Variants in ZC3H12B observed in about 807,000 individuals in gnomAD.
The protein encoded by ZC3H12B is zinc finger CCCH-type containing 12B.
Under a neutral mutation model 43.9 loss-of-function variants are expected in ZC3H12B, and 7 were observed. The ratio of observed to expected loss-of-function variants is 0.16; its 90% CI spans 0.09 to 0.30. The LOEUF is 0.30. Ranked by LOEUF, ZC3H12B falls within the 10% of genes least tolerant of loss-of-function variation. The pLI, the probability that ZC3H12B is intolerant of heterozygous loss-of-function variation, is 1.00. For missense variants in ZC3H12B, 475 were observed against 670.2 expected (o/e 0.71, Z 3.22); for synonymous variants, 222 against 241.7 (o/e 0.92, Z 0.76).
the ZC3H12B span, among the ~76,000 whole-genome samples, chrX:65,189,506 G>A: frequency 9.2e-6 from 1 of 108,805 alleles, no homozygotes; most frequent in East Asian, 2.9e-4. Context: ...GTGTGAGATG[G>A]TATCTCATAG....
chrX:65,333,543 A>C, the ZC3H12B span, among the ~76,000 whole-genome samples: 1 of 112,240 alleles, frequency 8.9e-6, no homozygotes, highest in Non-Finnish European at 1.9e-5. Context: ...TGTTTTAAGC[A>C]AAAAGCCAAA....
chrX:65,137,039 A>G, the ZC3H12B span, among the ~76,000 whole-genome samples: 13,847 of 111,587 alleles, frequency 0.12, 2,080 homozygotes, highest in African/African-American at 0.42. Flanking sequence ...AGGAAATATA[A>G]TTTAATAAAA....
chrX:65,415,406 T>C (rs1014261806), intron 3 of ZC3H12B, among the ~76,000 whole-genome samples: 1 of 112,782 alleles, frequency 8.9e-6, no homozygotes, highest in Non-Finnish European at 1.9e-5. Flanking sequence ...CATTTCAAAA[T>C]ATGACAAAGA....
the ZC3H12B span, among the ~76,000 whole-genome samples, chrX:65,229,316 A>C: frequency 1.8e-5 from 2 of 111,936 alleles, no homozygotes; most frequent in Non-Finnish European, 3.8e-5. Context: ...GGTGCTGGGA[A>C]AACTGGCTAG....
At chrX:65,259,361 T>C in the ZC3H12B span, among the ~76,000 whole-genome samples, 1 of 112,259 alleles carries the variant, frequency 8.9e-6, no homozygotes, top group African/African-American at 3.2e-5. Context: ...TATAGCCATA[T>C]GCAGAAGATT....
the ZC3H12B span, among the ~76,000 whole-genome samples, chrX:65,303,206 T>A: frequency 2.7e-5 from 3 of 110,356 alleles, no homozygotes; most frequent in Admixed American, 2.9e-4. Context: ...AAGTCAGGGC[T>A]TACTTGAGGG....
chrX:65,213,510 C>T, the ZC3H12B span, among the ~76,000 whole-genome samples: 7 of 110,730 alleles, frequency 6.3e-5, no homozygotes, highest in African/African-American at 2.3e-4. Context: ...GAAATATTTG[C>T]GCTATACATG....
the ZC3H12B span, among the ~76,000 whole-genome samples, chrX:65,304,063 A>G: frequency 8.9e-6 from 1 of 112,500 alleles, no homozygotes; most frequent in Non-Finnish European, 1.9e-5. Context: ...AAATTACACA[A>G]TATCTAGAGG....
intron 2 of ZC3H12B, among the ~76,000 whole-genome samples, chrX:65,388,950 C>T (rs781477431): frequency 5.4e-5 from 6 of 111,554 alleles, no homozygotes; most frequent in Admixed American, 9.5e-5. Context: ...TGCAGAACAG[C>T]GGATATTGGT....
intron 1 of ZC3H12B, among the ~76,000 whole-genome samples, chrX:65,492,352 T>A (rs979296527): frequency 8.9e-6 from 1 of 112,355 alleles, no homozygotes; most frequent in Non-Finnish European, 1.9e-5. Context: ...GGATAATTAG[T>A]TTCAACATAT....
intron 2 of ZC3H12B, among the ~76,000 whole-genome samples, chrX:65,397,180 G>T (rs1037566545): frequency 1.8e-5 from 2 of 111,547 alleles, no homozygotes; most frequent in Non-Finnish European, 3.8e-5. Context: ...TTTAATTTGG[G>T]CATTTAGCCC....
intron 3 of ZC3H12B, among the ~76,000 whole-genome samples, chrX:65,479,899 C>G (rs987894620): frequency 1.2e-4 from 13 of 112,260 alleles, no homozygotes; most frequent in African/African-American, 3.6e-4. Flanking sequence ...GTTTAAATAC[C>G]CTCTAGAGGA....
chrX:65,138,328 G>A, the ZC3H12B span, among the ~76,000 whole-genome samples: 2 of 111,364 alleles, frequency 1.8e-5, no homozygotes. Flanking sequence ...GTGAGACTGT[G>A]TGGAATTCAT....
At chrX:65,160,080 T>C in the ZC3H12B span, among the ~76,000 whole-genome samples, 33 of 112,199 alleles carry the variant, frequency 2.9e-4, no homozygotes, top group Admixed American at 6.6e-4. Flanking sequence ...GATTTGTGTA[T>C]ATTGAACCAG....
chrX:65,118,824 G>A, the ZC3H12B span, among the ~76,000 whole-genome samples: 4 of 84,398 alleles, frequency 4.7e-5, no homozygotes, highest in African/African-American at 1.4e-4. Flanking sequence ...AACAGGCCCC[G>A]GTGTGTGATG....
intron 3 of ZC3H12B, among the ~76,000 whole-genome samples, chrX:65,400,041 C>T (rs763416629): frequency 9.1e-6 from 1 of 109,999 alleles, no homozygotes; most frequent in African/African-American, 3.3e-5. Flanking sequence ...GAATGGTAGT[C>T]GGGGGATAGG....
At chrX:65,224,669 C>G in the ZC3H12B span, among the ~76,000 whole-genome samples, 1 of 111,943 alleles carries the variant, frequency 8.9e-6, no homozygotes, top group Non-Finnish European at 1.9e-5. Flanking sequence ...TCACTCCCAC[C>G]CTGATACTGC....
At chrX:65,190,456 T>C in the ZC3H12B span, among the ~76,000 whole-genome samples, 3 of 111,101 alleles carry the variant, frequency 2.7e-5, no homozygotes, top group Non-Finnish European at 5.7e-5. Flanking sequence ...CATTTGTTTG[T>C]ATCCTCTTTT....
Position 65,469,298 on chromosome X carries a change from G to A in ZC3H12B, n.408-19348G>A, listed in dbSNP as rs1263667042. On this transcript the variant is annotated intron_variant and non_coding_transcript_variant, in intron 3 of 5. Transcript: ENST00000617377. ...TGTCCTGGTGCTCCGAGCGCATCAA[G>A]TACAAGAAGAACGAGGTCTTCATTG... 1.7e-5 allele frequency: 5 copies of A among 292,479 alleles called. No homozygotes were observed. In the East Asian group the frequency reaches 3.3e-4, roughly 19 times the overall value. The allele number at this position is 292,479 out of a possible 1,213,427, so 24.1% of individuals were successfully genotyped here. A position where few individuals can be genotyped will look rare whatever the true frequency, so the allele number is the denominator to read the frequency against.
Sources: gnomAD v4.1 joint callset for allele counts (sites outside exome capture counted in the v4.1 genomes callset) on GRCh38, gnomAD v4.1.1 for gene constraint, MANE v1.5 for transcripts, NCBI Gene and HGNC (gene_info 2026-07-23, HGNC 2026-07-21) for gene names.